The following ZMYND8 variants were observed in gnomAD, a reference collection of about 807,000 sequenced individuals.
ZMYND8 encodes zinc finger MYND-type containing 8.
In ZMYND8, 37 loss-of-function variants were observed where a neutral mutation model predicts 140.8. The observed-to-expected ratio is 0.26, with a 90% CI of 0.20 to 0.35. The LOEUF (loss-of-function observed/expected upper bound fraction) is 0.35. ZMYND8 is among the 10% of genes least tolerant of loss of function. The pLI is 1.00. For synonymous variants in ZMYND8, 592 were observed against 597.1 expected (o/e 0.99, Z 0.12); for missense variants, 1,068 against 1,570.0 (o/e 0.68, Z 5.40).
rs1601528128 is a variant in ZMYND8 at position 47,276,521 on chromosome 20, C to A, written c.1273G>T (p.Ala425Ser). The A allele has an allele frequency of 6.2e-7, 1 of 1,614,078 alleles. No individual in the cohort carries two copies. The highest frequency in any genetic ancestry group is 1.1e-5 in the South Asian group (1 of 91,076). Residue 425 changes from alanine (A) to serine (S), a missense_variant, in exon 11 of 23, where the codon GCA (alanine) becomes TCA (serine). Around this residue, in one of 10 missense-constraint regions of ZMYND8, gnomAD observed 173 missense variants for 223.3 expected, o/e 0.77. Coordinates refer to ENST00000471951, the MANE Select transcript of ZMYND8 (RefSeq NM_001281775.3). ...TTGCTCATCAGGATCTTGGGGGATG[C>A]CGTCATGTCAAAGTTGAGCTTGACC... ...EKVKLNFDMT[A>S]SPKILMSKPV...
intron 8 of ZMYND8, chr20:47,285,619 T>G: frequency 1.1e-6 from 1 of 928,238 alleles, no homozygotes; most frequent in Non-Finnish European, 1.3e-6. Flanking sequence ...ACATCTGACA[T>G]GTTCACAGCC....
intron 20 of ZMYND8, among the ~76,000 whole-genome samples, chr20:47,220,963 T>A (rs903240315): frequency 2.6e-5 from 4 of 152,042 alleles, no homozygotes; most frequent in African/African-American, 9.7e-5. Context: ...AACTGTAAAA[T>A]CAGGTCCTCG....
At chr20:47,323,066 T>C (rs181693815) in intron 2 of ZMYND8, among the ~76,000 whole-genome samples, 50 of 152,278 alleles carry the variant, frequency 3.3e-4, no homozygotes, top group Middle Eastern at 3.4e-3. Flanking sequence ...GTTGGAACTA[T>C]TAGGCTCTTC....
chr20:47,251,924 G>A (rs2147365452), intron 12 of ZMYND8, among the ~76,000 whole-genome samples: 1 of 151,822 alleles, frequency 6.6e-6, no homozygotes, highest in South Asian at 2.1e-4. Context: ...TGATCTTTCT[G>A]CCCTCCCCGA....
At chr20:47,318,818 G>T in intron 2 of ZMYND8, 1 of 606,858 alleles carries the variant, frequency 1.6e-6, no homozygotes. Context: ...GGATAGGGAG[G>T]GCTGGAATGG....
rs1355023215 is a variant in ZMYND8 at position 47,276,535 on chromosome 20, T to G, written c.1259A>C (p.Asn420Thr). The G allele has an allele frequency of 4.3e-6, 7 of 1,613,884 alleles. No individual in the cohort carries two copies. Among genetic ancestry groups the G allele is most frequent in the Non-Finnish European group, 1.7e-6 (2 of 1,180,002 alleles). Residue 420 changes from asparagine (N) to threonine (T), a missense_variant, in exon 11 of 23, where the codon AAC becomes ACC. Asn to Thr is a moderately conservative substitution (Grantham distance 65). This residue lies in a region of ZMYND8 where 173 missense variants were observed against 223.3 expected (regional missense o/e 0.77). Transcript: ENST00000471951. Reference protein sequence around the residue: ...KIDKQEKVKLNFDMTASPKIL... With the variant: ...KIDKQEKVKLTFDMTASPKIL... ...CTTGGGGGATGCCGTCATGTCAAAG[T>G]TGAGCTTGACCTTCTCCTGCTTGTC... is the stretch of plus-strand genomic sequence containing the variant.
intron 13 of ZMYND8, 58 bp downstream of exon 13, chr20:47,249,229 C>G: frequency 6.3e-7 from 1 of 1,575,864 alleles, no homozygotes; most frequent in Admixed American, 1.8e-5. Flanking sequence ...GGTGGTATCC[C>G]TACCAGTAAT....
intron 20 of ZMYND8, among the ~76,000 whole-genome samples, chr20:47,220,691 A>C (rs988975787): frequency 3.3e-5 from 5 of 152,238 alleles, no homozygotes; most frequent in African/African-American, 1.2e-4. Flanking sequence ...CTAGCCTCTG[A>C]CTAGGTAATA....
intron 2 of ZMYND8, among the ~76,000 whole-genome samples, chr20:47,341,856 A>G (rs1166095182): frequency 1.3e-5 from 2 of 151,408 alleles, no homozygotes; most frequent in African/African-American, 2.4e-5. Flanking sequence ...ACAAAAAATT[A>G]GCCGGGCGTG....
chr20:47,302,286 G>A (rs1394032640), intron 3 of ZMYND8, among the ~76,000 whole-genome samples: 2 of 152,022 alleles, frequency 1.3e-5, no homozygotes, highest in African/African-American at 4.8e-5. Context: ...ACCAGCCTAG[G>A]CAACATGGTG....
chr20:47,287,302 C>T lies in ZMYND8; in HGVS notation c.749-18G>A. 6.2e-7 allele frequency: 1 copy of T among 1,607,246 alleles called. No homozygotes were observed. The highest frequency in any genetic ancestry group is 8.5e-7 in the Non-Finnish European group (1 of 1,173,808). ...GTGATTTCCTAAGGGAATAAGAAAA[C>T]AGGATTAATTCTAATGGAAATACCG... On this transcript the variant is annotated intron_variant, in intron 7 of 22. Coordinates refer to ENST00000471951, the MANE Select transcript of ZMYND8 (RefSeq NM_001281775.3).
chr20:47,294,531 T>TACAC, intron 5 of ZMYND8, 135 bp downstream of exon 5: 1 of 738,918 alleles, frequency 1.4e-6, no homozygotes, highest in Non-Finnish European at 2.3e-6. Context: ...ATGTGTGATT[T>TACAC]ACACATACTT....
intron 2 of ZMYND8, among the ~76,000 whole-genome samples, chr20:47,329,950 T>C (rs1027708042): frequency 6.6e-6 from 1 of 152,180 alleles, no homozygotes; most frequent in Non-Finnish European, 1.5e-5. Flanking sequence ...GTTAACTCTT[T>C]AGTATGCATA....
At chr20:47,345,742 C>G (rs2082277487) in intron 2 of ZMYND8, among the ~76,000 whole-genome samples, 1 of 150,914 alleles carries the variant, frequency 6.6e-6, no homozygotes, top group South Asian at 2.1e-4. Context: ...CTCCTGAGCT[C>G]AGACAATCCA....
chr20:47,331,345 G>A (rs1004393622), intron 2 of ZMYND8, among the ~76,000 whole-genome samples: 16 of 152,200 alleles, frequency 1.1e-4, no homozygotes, highest in South Asian at 4.1e-4. Flanking sequence ...TTTAGGATAC[G>A]ATATTGTAAG....
chr20:47,348,004 GCAA>G, intron 1 of ZMYND8, 78 bp from the exon 2 acceptor site: 1 of 1,374,310 alleles, frequency 7.3e-7, no homozygotes, highest in Non-Finnish European at 1.0e-6. Flanking sequence ...GGAAGTTCTA[GCAA>G]CAAACACACC....
intron 12 of ZMYND8, among the ~76,000 whole-genome samples, chr20:47,255,212 A>C (rs1308722604): frequency 6.6e-6 from 1 of 152,130 alleles, no homozygotes; most frequent in Non-Finnish European, 1.5e-5. Flanking sequence ...CTATATATCT[A>C]GAAGGGCTCT....
chr20:47,211,047 C>G, intron 22 of ZMYND8, 150 bp from the exon 23 acceptor site: 1 of 1,084,514 alleles, frequency 9.2e-7, no homozygotes, highest in Admixed American at 2.7e-5. Flanking sequence ...TGCCCTGCAT[C>G]TGTGGGTCTG....
intron 12 of ZMYND8, among the ~76,000 whole-genome samples, chr20:47,256,799 AGGATGCCTCCTGTCATTAACAGT>A (rs1244875669): frequency 6.6e-6 from 1 of 152,208 alleles, no homozygotes; most frequent in Non-Finnish European, 1.5e-5. Context: ...ACAAAAAGAA[AGGATGCCTCCTGTCATTAACAGT>A]GGAGAAATAA....
Sources: gnomAD v4.1 joint callset for allele counts (sites outside exome capture counted in the v4.1 genomes callset) on GRCh38, gnomAD v4.1.1 for gene constraint, gnomAD v4.1.1 regional missense constraint, MANE v1.5 for transcripts, NCBI Gene and HGNC (gene_info 2026-07-23, HGNC 2026-07-21) for gene names.